ADGRL2: variants seen among roughly 807,000 people sequenced by gnomAD.
ADGRL2 encodes adhesion G protein-coupled receptor L2, also known as calcium-independent alpha-latrotoxin receptor 2.
ADGRL2 carries 44 observed loss-of-function variants against 157.4 expected under a neutral mutation model. The observed-to-expected ratio is 0.28, with a 90% confidence interval of 0.22 to 0.36. ADGRL2 has a LOEUF of 0.36. Among genes scored for constraint, ADGRL2 ranks in the 10% least tolerant of loss-of-function variants. The probability of loss-of-function intolerance (pLI) is 1.00; values close to 1 mark genes in which losing one functional copy is unlikely to be tolerated. For missense variants in ADGRL2, 1,510 were observed against 1,768.9 expected (o/e 0.85, Z 2.63); for synonymous variants, 585 against 624.7 (o/e 0.94, Z 0.95).
At chr1:81,468,874 A>C (rs917178133) in intron 2 of ADGRL2, among the ~76,000 whole-genome samples, 8 of 152,216 alleles carry the variant, frequency 5.3e-5, no homozygotes, top group African/African-American at 1.9e-4. Context: ...AATCCAGTGC[A>C]TCACAATCAC....
intron 1 of ADGRL2, among the ~76,000 whole-genome samples, chr1:81,338,587 C>CA (rs1322417088): frequency 2.0e-5 from 3 of 152,084 alleles, no homozygotes; most frequent in African/African-American, 4.8e-5. Flanking sequence ...AGGTCTTTTA[C>CA]AATGGCAGAA....
intron 1 of ADGRL2, among the ~76,000 whole-genome samples, chr1:81,312,869 C>T (rs1338361028): frequency 6.6e-6 from 1 of 152,104 alleles, no homozygotes; most frequent in Non-Finnish European, 1.5e-5. Context: ...ATCATGTAAA[C>T]TGAATTTACA....
At chr1:81,988,766 AT>A (rs535287933) in intron 23 of ADGRL2, among the ~76,000 whole-genome samples, 35 of 150,378 alleles carry the variant, frequency 2.3e-4, no homozygotes, top group South Asian at 4.2e-4. Context: ...TGATACAGAT[AT>A]TTTTTTTTTC....
At chr1:81,774,484 A>G (rs986545683) in intron 2 of ADGRL2, among the ~76,000 whole-genome samples, 4 of 152,290 alleles carry the variant, frequency 2.6e-5, no homozygotes, top group African/African-American at 9.6e-5. Context: ...GCATTTTTTA[A>G]GTTACAGATT....
intron 1 of ADGRL2, among the ~76,000 whole-genome samples, chr1:81,310,499 A>C (rs1431890619): frequency 6.6e-6 from 1 of 152,176 alleles, no homozygotes; most frequent in Non-Finnish European, 1.5e-5. Flanking sequence ...CAATTGAGCA[A>C]GCTACACATT....
At chr1:81,587,849 G>A (rs1255104461) in intron 3 of ADGRL2, among the ~76,000 whole-genome samples, 1 of 152,038 alleles carries the variant, frequency 6.6e-6, no homozygotes, top group African/African-American at 2.4e-5. Flanking sequence ...GGTTTAGGAG[G>A]TATAATTAAA....
intron 3 of ADGRL2, among the ~76,000 whole-genome samples, chr1:81,650,598 A>C (rs113508934): frequency 0.092 from 13,831 of 150,708 alleles, 691 homozygotes; most frequent in South Asian, 0.2. Context: ...AAAAAAGAAA[A>C]AGAAAAGAAA....
chr1:81,833,606 G>A (rs10518662), intron 1 of ADGRL2, among the ~76,000 whole-genome samples: 21,355 of 152,124 alleles, frequency 0.14, 1,659 homozygotes, highest in East Asian at 0.2. Flanking sequence ...ATAAGGCTAG[G>A]TGTGATTTCC....
chr1:81,801,916 G>C (rs2088232019), intron 1 of ADGRL2, among the ~76,000 whole-genome samples: 1 of 152,070 alleles, frequency 6.6e-6, no homozygotes, highest in African/African-American at 2.4e-5. Context: ...GGGTGTGTGC[G>C]TGTGTGTGAA....
At chr1:81,467,453 C>A (rs890589396) in intron 2 of ADGRL2, among the ~76,000 whole-genome samples, 10 of 152,152 alleles carry the variant, frequency 6.6e-5, no homozygotes, top group Non-Finnish European at 2.9e-5. Context: ...GCCAAAAGCA[C>A]TAACCAAGAG....
chr1:81,651,217 G>T (rs2082413770), intron 3 of ADGRL2, among the ~76,000 whole-genome samples: 1 of 151,906 alleles, frequency 6.6e-6, no homozygotes, highest in Admixed American at 6.6e-5. Context: ...TGCACACTGG[G>T]TTTTTTCTTT....
intron 1 of ADGRL2, among the ~76,000 whole-genome samples, chr1:81,408,836 T>C (rs2076900208): frequency 6.6e-6 from 1 of 152,208 alleles, no homozygotes; most frequent in African/African-American, 2.4e-5. Flanking sequence ...GATTTTCTGC[T>C]CTTAAGCGTT....
chr1:81,397,052 A>G (rs2076667365), intron 1 of ADGRL2, among the ~76,000 whole-genome samples: 1 of 152,128 alleles, frequency 6.6e-6, no homozygotes, highest in South Asian at 2.1e-4. Context: ...AACAATTGGT[A>G]TTCATTCTCC....
intron 1 of ADGRL2, among the ~76,000 whole-genome samples, chr1:81,746,896 G>A (rs543531627): frequency 4.8e-4 from 71 of 147,390 alleles, no homozygotes; most frequent in South Asian, 1.1e-3. Context: ...ACGTATACAC[G>A]TATATACACA....
chr1:81,987,073 A>G (rs758017388), intron 22 of ADGRL2, 44 bp downstream of exon 22: 6 of 1,598,796 alleles, frequency 3.8e-6, no homozygotes, highest in South Asian at 2.3e-5. Flanking sequence ...TTGCTGCTAA[A>G]CAGAGCTATG....
At chr1:81,574,681 C>T (rs1300705278) in intron 2 of ADGRL2, among the ~76,000 whole-genome samples, 1 of 152,084 alleles carries the variant, frequency 6.6e-6, no homozygotes, top group East Asian at 1.9e-4. Flanking sequence ...TCTCAGGCTG[C>T]GTGGTGGAGA....
At chr1:81,473,548 C>A (rs1239214801) in intron 2 of ADGRL2, among the ~76,000 whole-genome samples, 1 of 152,118 alleles carries the variant, frequency 6.6e-6, no homozygotes, top group Admixed American at 6.5e-5. Flanking sequence ...ATGTGGCTAC[C>A]AGAAAATTCA....
At chr1:81,469,620 C>T (rs2078129188) in intron 2 of ADGRL2, among the ~76,000 whole-genome samples, 1 of 152,116 alleles carries the variant, frequency 6.6e-6, no homozygotes, top group Admixed American at 6.6e-5. Context: ...ATTTCTTTCC[C>T]TTTTATCTAA....
chr1:81,937,545 T>G (rs2148872444), intron 4 of ADGRL2, among the ~76,000 whole-genome samples: 1 of 152,016 alleles, frequency 6.6e-6, no homozygotes, highest in Non-Finnish European at 1.5e-5. Flanking sequence ...TATTCTATAC[T>G]TTCAGTTTTA....
Sources: allele counts gnomAD v4.1 joint callset (sites outside exome capture counted in the v4.1 genomes callset), GRCh38; gene constraint gnomAD v4.1.1; transcripts MANE v1.5; gene names NCBI Gene and HGNC (gene_info 2026-07-23, HGNC 2026-07-21).